The following PLXNA2 variants were observed in gnomAD, a reference collection of about 807,000 sequenced individuals.
PLXNA2 encodes the protein plexin-A2.
In PLXNA2, 91 loss-of-function variants were observed where a neutral mutation model predicts 193.5. The ratio of observed to expected loss-of-function variants is 0.47; its 90% confidence interval spans 0.40 to 0.56. The LOEUF is 0.56. Ranked by LOEUF, PLXNA2 falls within the 20% of genes least tolerant of loss-of-function variation. The pLI is 0.00. For missense variants in PLXNA2, 1,995 were observed against 2,503.2 expected (o/e 0.80, Z 4.33); for synonymous variants, 997 against 1,027.3 (o/e 0.97, Z 0.56).
intron 13 of PLXNA2, 22 bp from the exon 14 acceptor site, chr1:208,054,560 T>C (rs1571866955): frequency 6.4e-7 from 1 of 1,559,436 alleles, no homozygotes; most frequent in Non-Finnish European, 8.8e-7. Context: ...GCAAACCTTC[T>C]GGTGAGGGAC....
At chr1:208,111,497 C>CG (rs1667474604) in intron 4 of PLXNA2, among the ~76,000 whole-genome samples, 1 of 152,152 alleles carries the variant, frequency 6.6e-6, no homozygotes, top group Non-Finnish European at 1.5e-5. Context: ...GGGTAGTGGC[C>CG]GCAGCAGAAG....
intron 12 of PLXNA2, among the ~76,000 whole-genome samples, chr1:208,075,274 C>A (rs1277002732): frequency 6.6e-6 from 1 of 151,078 alleles, no homozygotes; most frequent in Non-Finnish European, 1.5e-5. Context: ...CACACCACTG[C>A]ACTTCAGCCT....
At chr1:208,093,816 G>C (rs1233812994) in intron 8 of PLXNA2, among the ~76,000 whole-genome samples, 2 of 152,158 alleles carry the variant, frequency 1.3e-5, no homozygotes, top group Non-Finnish European at 2.9e-5. Context: ...TGTGTGATCA[G>C]GTCATTGTAA....
chr1:208,198,794 T>A (rs7522653), intron 3 of PLXNA2, among the ~76,000 whole-genome samples: 1 of 152,130 alleles, frequency 6.6e-6, no homozygotes, highest in Non-Finnish European at 1.5e-5. Flanking sequence ...AATTGAATGC[T>A]AAAAAGCTAG....
At position 208,212,163 on chromosome 1, in the gene PLXNA2, C is replaced by G. The variant is rs374256676; in HGVS notation, c.1189-1701G>C. 2.0e-5 allele frequency among the ~76,000 whole-genome samples: 3 copies of G among 152,214 alleles called. No homozygotes were observed. The East Asian group carries it at 5.8e-4, about 29-fold the overall frequency. On this transcript the variant is annotated intron_variant, in intron 2 of 31. Coordinates refer to ENST00000367033, the MANE Select transcript of PLXNA2 (RefSeq NM_025179.4). ...CAGCAGAACAGCCTGCCCCCATGCT[C>G]CCTTCAGCCTCCTCTCACCCTCACC...
intron 3 of PLXNA2, among the ~76,000 whole-genome samples, chr1:208,180,642 C>T (rs971476766): frequency 6.6e-5 from 10 of 152,220 alleles, no homozygotes; most frequent in African/African-American, 2.4e-4. Context: ...ATTATTTACT[C>T]CGTTTGGCAG....
intron 12 of PLXNA2, among the ~76,000 whole-genome samples, chr1:208,076,666 A>G (rs1666159955): frequency 6.6e-6 from 1 of 152,232 alleles, no homozygotes; most frequent in South Asian, 2.1e-4. Context: ...TGTACTTCTC[A>G]ACAGTACCAA....
chr1:208,202,520 T>C (rs966831722), intron 3 of PLXNA2, among the ~76,000 whole-genome samples: 3 of 152,194 alleles, frequency 2.0e-5, no homozygotes, highest in African/African-American at 7.2e-5. Flanking sequence ...TACTCTTTGT[T>C]ATGCAAATTG....
At chr1:208,135,167 T>TG (rs1286928680) in intron 4 of PLXNA2, among the ~76,000 whole-genome samples, 10 of 147,218 alleles carry the variant, frequency 6.8e-5, no homozygotes, top group South Asian at 4.3e-4. Context: ...TAGGGGGTGG[T>TG]GGGGGGTCTC....
intron 3 of PLXNA2, among the ~76,000 whole-genome samples, chr1:208,143,569 T>C (rs1191475784): frequency 2.0e-5 from 3 of 152,082 alleles, no homozygotes; most frequent in Non-Finnish European, 2.9e-5. Flanking sequence ...GTTTTTCTAG[T>C]TGTTAGTTTT....
intron 3 of PLXNA2, among the ~76,000 whole-genome samples, chr1:208,158,593 A>G (rs893429969): frequency 1.3e-5 from 2 of 152,098 alleles, no homozygotes; most frequent in South Asian, 4.1e-4. Context: ...CAGTTGGACT[A>G]ATTTTTTCCT....
chr1:208,045,508 G>T (rs1483070794), intron 18 of PLXNA2, among the ~76,000 whole-genome samples: 1 of 152,098 alleles, frequency 6.6e-6, no homozygotes, highest in Non-Finnish European at 1.5e-5. Flanking sequence ...AAAGTAGTGG[G>T]GCAACAAATC....
chr1:208,158,817 A>G (rs564200353), intron 3 of PLXNA2, among the ~76,000 whole-genome samples: 109 of 152,340 alleles, frequency 7.2e-4, no homozygotes, highest in Non-Finnish European at 1.0e-3. Flanking sequence ...CTGATTCCCT[A>G]CAGGTGGTCT....
chr1:208,185,373 A>G (rs529242799), intron 3 of PLXNA2, among the ~76,000 whole-genome samples: 2 of 152,352 alleles, frequency 1.3e-5, no homozygotes, highest in Admixed American at 1.3e-4. Flanking sequence ...TGCAGAGCTC[A>G]TTGGCATGAC....
At chr1:208,101,177 A>T (rs1224156039) in intron 5 of PLXNA2, among the ~76,000 whole-genome samples, 1 of 152,204 alleles carries the variant, frequency 6.6e-6, no homozygotes, top group Non-Finnish European at 1.5e-5. Context: ...CCTAACAGAG[A>T]TAAATAGCCT....
rs758502236 is a variant in PLXNA2, at chr1:208,029,031, C to T, written c.5237G>A (p.Arg1746His). 6.2e-6 allele frequency: 10 copies of T among 1,613,940 alleles called. No individual in the cohort carries two copies. Among genetic ancestry groups the T allele is most frequent in the Non-Finnish European group, 8.5e-6 (10 of 1,180,020 alleles). The part of the protein sequence containing the change: ...HTWKSNCLPL[R>H]FWVNVIKNPQ... ...GTTCTTAATCACGTTCACCCAGAAG[C>T]GCAGAGGGAGGCTGTGGGGAAAGGC... Residue 1746 changes from arginine (R) to histidine (H), a missense_variant, in exon 30 of 32, where the codon CGC (arginine) becomes CAC (histidine). By Grantham distance (29) the Arg-to-His change is conservative. Around this residue, in one of 3 missense-constraint regions of PLXNA2, gnomAD observed 1,291 missense variants for 1,673.6 expected, o/e 0.77. Transcript: ENST00000367033.
At chr1:208,050,261 C>T (rs1265896565) in intron 17 of PLXNA2, among the ~76,000 whole-genome samples, 1 of 152,240 alleles carries the variant, frequency 6.6e-6, no homozygotes, top group Non-Finnish European at 1.5e-5. Context: ...CTGCTTGTCA[C>T]CATTCATAGC....
rs183849494 is a variant in PLXNA2, at chr1:208,143,579, T to A, written c.1372-1116A>T. On this transcript the variant is annotated intron_variant, in intron 3 of 31. Coordinates refer to ENST00000367033, the MANE Select transcript of PLXNA2 (RefSeq NM_025179.4). ...CCCCAGTTTTTCTAGTTGTTAGTTT[T>A]CTAGTTTTCTAGTAGCTGACTCCTG... Among the ~76,000 whole-genome samples the A allele has an allele frequency of 9.8e-5, 15 of 152,288 alleles. No individual in the cohort carries two copies. The East Asian group carries it at 2.9e-3, about 29-fold the overall frequency.
intron 3 of PLXNA2, among the ~76,000 whole-genome samples, chr1:208,145,703 G>A (rs1299390256): frequency 1.3e-5 from 2 of 152,132 alleles, no homozygotes; most frequent in Non-Finnish European, 2.9e-5. Flanking sequence ...ATTCGGTCAG[G>A]ACCAATCCCA....
Sources: allele counts gnomAD v4.1 joint callset (sites outside exome capture counted in the v4.1 genomes callset), GRCh38; gene constraint gnomAD v4.1.1; regional missense constraint gnomAD v4.1.1; transcripts MANE v1.5; gene names NCBI Gene and HGNC (gene_info 2026-07-23, HGNC 2026-07-21).